Variants in PIP5K1C observed in about 807,000 individuals in gnomAD.
PIP5K1C encodes phosphatidylinositol 4-phosphate 5-kinase type-1 gamma.
A neutral mutation model predicts 80.1 loss-of-function variants in PIP5K1C; 45 were observed. That is an observed-to-expected ratio of 0.56 (90% CI 0.44 to 0.72). The LOEUF is 0.72. Among genes scored for constraint, PIP5K1C ranks in the 30% least tolerant of loss-of-function variants. The pLI, the probability that PIP5K1C is intolerant of heterozygous loss-of-function variation, is 0.00. For missense variants in PIP5K1C, 753 were observed against 954.6 expected (o/e 0.79, Z 2.78); for synonymous variants, 498 against 420.1 (o/e 1.19, Z -2.27).
At chr19:3,654,121 C>A (rs146464087) in intron 6 of PIP5K1C, among the ~76,000 whole-genome samples, 20 of 152,358 alleles carry the variant, frequency 1.3e-4, no homozygotes, top group Non-Finnish European at 2.2e-4. Context: ...CCCACCTCAG[C>A]CTCCGAAAGT....
intron 4 of PIP5K1C, 66 bp downstream of exon 4, chr19:3,661,805 A>T (rs2034840356): frequency 1.3e-6 from 2 of 1,590,864 alleles, no homozygotes; most frequent in Non-Finnish European, 1.7e-6. Flanking sequence ...CGCTCAGGAC[A>T]GGCCACTCCG....
intron 17 of PIP5K1C, 124 bp downstream of exon 17, chr19:3,633,313 G>C (rs2033526671): frequency 2.8e-6 from 2 of 711,204 alleles, no homozygotes; most frequent in East Asian, 2.8e-5. Flanking sequence ...CCAGGGTGGA[G>C]CTCTGGGCCA....
chr19:3,678,654 A>G (rs1443940356), intron 1 of PIP5K1C, among the ~76,000 whole-genome samples: 5 of 83,846 alleles, frequency 6.0e-5, no homozygotes, highest in South Asian at 5.0e-4. Flanking sequence ...AGAGATGGAG[A>G]GATGGCGAGA....
intron 1 of PIP5K1C, among the ~76,000 whole-genome samples, chr19:3,683,788 C>G (rs375504698): frequency 6.6e-6 from 1 of 152,128 alleles, no homozygotes; most frequent in African/African-American, 2.4e-5. Context: ...GGGGCAGGAC[C>G]GTGTCTGGAG....
intron 1 of PIP5K1C, among the ~76,000 whole-genome samples, chr19:3,689,352 A>G (rs2035874448): frequency 6.6e-6 from 1 of 152,146 alleles, no homozygotes; most frequent in African/African-American, 2.4e-5. Flanking sequence ...AGCTTCACAA[A>G]GGAACTACCA....
Position 3,643,228 on chromosome 19 carries a change from G to T in PIP5K1C, c.1649+15C>A, listed in dbSNP as rs185851048. On this transcript the variant is annotated intron_variant, in intron 13 of 17. Coordinates refer to ENST00000335312, the MANE Select transcript of PIP5K1C (RefSeq NM_012398.3). ...CGGATGCCCCGCCCACATGCACTGC[G>T]GATGCCTCGCCCACCTGTACCGCGG... 1.9e-6 allele frequency: 3 copies of T among 1,612,664 alleles called. No homozygotes were observed. Among genetic ancestry groups the T allele is most frequent in the African/African-American group, 1.3e-5 (1 of 74,898 alleles).
chr19:3,637,746 A>G lies in PIP5K1C; in HGVS notation c.1920+1138T>C. 6.6e-7 allele frequency: 1 copy of G among 1,526,518 alleles called. No individual in the cohort carries two copies. Among genetic ancestry groups the G allele is most frequent in the East Asian group, 2.4e-5 (1 of 40,840 alleles). The allele number at this position is 1,526,518 out of a possible 1,614,324, so 94.6% of individuals were successfully genotyped here. Reference sequence around the variant, plus strand: ...AGCAGGTGGGGACAGCTGACTGCCAAGCAGAAGGTGGGGGGTGCCGGGGCA... The same window carrying G: ...AGCAGGTGGGGACAGCTGACTGCCAGGCAGAAGGTGGGGGGTGCCGGGGCA... On this transcript the variant is annotated intron_variant, in intron 16 of 17. Coordinates refer to ENST00000335312, the MANE Select transcript of PIP5K1C (RefSeq NM_012398.3). This position sits in a 1 kb window ranked among gnomAD's most constrained non-coding sequence, Gnocchi z 7.0.
chr19:3,637,170 A>G lies in PIP5K1C; in HGVS notation c.1920+1714T>C. 7.0e-7 allele frequency: 1 copy of G among 1,420,852 alleles called. No homozygotes were observed. The highest frequency in any genetic ancestry group is 9.2e-7 in the Non-Finnish European group (1 of 1,090,808). The allele number at this position is 1,420,852 out of a possible 1,614,324, so 88.0% of individuals were successfully genotyped here. A position where few individuals can be genotyped will look rare whatever the true frequency, so the allele number is the denominator to read the frequency against. On this transcript the variant is annotated intron_variant, in intron 16 of 17. Transcript: ENST00000335312. The surrounding 1 kb of genome is among the most constrained non-coding windows in gnomAD (Gnocchi z 7.0). Reference sequence around the variant, plus strand: ...GGCCACGGGCAGCCAGGTCTGCACGAGTGAGAAGCGTCCACCCAAGACACC... The same window carrying G: ...GGCCACGGGCAGCCAGGTCTGCACGGGTGAGAAGCGTCCACCCAAGACACC...
chr19:3,695,030 C>A (rs1242215751), intron 1 of PIP5K1C, among the ~76,000 whole-genome samples: 1 of 152,250 alleles, frequency 6.6e-6, no homozygotes, highest in Non-Finnish European at 1.5e-5. Context: ...AATGGTGTGG[C>A]CGTTGCCAAT....
At chr19:3,697,562 G>T (rs2036165301) in intron 1 of PIP5K1C, among the ~76,000 whole-genome samples, 1 of 152,186 alleles carries the variant, frequency 6.6e-6, no homozygotes, top group African/African-American at 2.4e-5. Context: ...CAGAGGACAG[G>T]GAAGGAGTCA....
At chr19:3,662,412 G>A (rs1196287809) in intron 3 of PIP5K1C, among the ~76,000 whole-genome samples, 3 of 152,326 alleles carry the variant, frequency 2.0e-5, no homozygotes, top group Non-Finnish European at 2.9e-5. Context: ...ATCTGCAGAC[G>A]CAGGTTCCCG....
chr19:3,660,189 G>A (rs559026445), intron 5 of PIP5K1C, among the ~76,000 whole-genome samples: 1 of 152,272 alleles, frequency 6.6e-6, no homozygotes, highest in East Asian at 1.9e-4. Context: ...GACCATCCTG[G>A]CTGACACGGT....
intron 16 of PIP5K1C, chr19:3,638,118 G>T: frequency 7.5e-7 from 1 of 1,342,054 alleles, no homozygotes; most frequent in South Asian, 1.5e-5. Flanking sequence ...TGCAGGGTGA[G>T]AACAAACCAT....
rs1032960233 is a variant in PIP5K1C at position 3,636,770 on chromosome 19, G to T, written c.1920+2114C>A. 4 of 986,426 alleles carry T rather than the reference G, an allele frequency of 4.1e-6. No homozygotes were observed. The South Asian group carries it at 1.9e-4, about 46-fold the overall frequency. The allele number at this position is 986,426 out of a possible 1,614,324, so 61.1% of individuals were successfully genotyped here. ...GGCGGGGAGTCACGGCGGCCTCGGC[G>T]GAGGCTTTGTCTCGAGGGGACACTC... On this transcript the variant is annotated intron_variant, in intron 16 of 17. Transcript: ENST00000335312.
chr19:3,641,687 CGCCGAG>C lies in PIP5K1C; in HGVS notation c.1787+12_1787+17del, dbSNP rs1413091648. Reference sequence around the variant, plus strand: ...GCAGCAGGTGGGCGCCCCGACCTCCCGCCGAGGCCGTGCTCACCCTGCGTCCTCCTC... The same window carrying C: ...GCAGCAGGTGGGCGCCCCGACCTCCCGCCGTGCTCACCCTGCGTCCTCCTC... On this transcript the variant is annotated intron_variant, in intron 15 of 17. Transcript: ENST00000335312. The C allele has an allele frequency of 1.3e-6, 2 of 1,596,898 alleles. No individual in the cohort carries two copies. The highest frequency in any genetic ancestry group is 2.7e-5 in the African/African-American group (2 of 74,784).
chr19:3,646,179 T>G, intron 10 of PIP5K1C, 121 bp from the exon 11 acceptor site: 423 of 638,666 alleles, frequency 6.6e-4, no homozygotes, highest in East Asian at 9.7e-4. Context: ...AGGCTCGAGA[T>G]GGGTCCATGG....
At chr19:3,674,872 T>C (rs1294879815) in intron 1 of PIP5K1C, among the ~76,000 whole-genome samples, 1 of 152,216 alleles carries the variant, frequency 6.6e-6, no homozygotes, top group African/African-American at 2.4e-5. Context: ...ACTTCTTACA[T>C]TCAAAGAAGC....
At chr19:3,645,832 C>T (rs1177259810) in intron 11 of PIP5K1C, 142 bp downstream of exon 11, 1 of 759,492 alleles carries the variant, frequency 1.3e-6, no homozygotes, top group Non-Finnish European at 2.4e-6. Context: ...CCGGATGAGG[C>T]CCGGTCTGAG....
intron 13 of PIP5K1C, 65 bp from the exon 14 acceptor site, chr19:3,643,004 C>A: frequency 6.3e-7 from 1 of 1,578,902 alleles, no homozygotes; most frequent in East Asian, 2.2e-5. Flanking sequence ...AGTCTACCTG[C>A]CTTGCCTACC....
Sources: allele counts gnomAD v4.1 joint callset (sites outside exome capture counted in the v4.1 genomes callset), GRCh38; gene constraint gnomAD v4.1.1; non-coding constraint Gnocchi (gnomAD v3.1); transcripts MANE v1.5; gene names NCBI Gene and HGNC (gene_info 2026-07-23, HGNC 2026-07-21).